Variants in IFRD1 observed in about 807,000 individuals in gnomAD.
The protein encoded by IFRD1 is interferon related developmental regulator 1, also known as interferon-related developmental regulator 1.
A neutral mutation model predicts 52.9 loss-of-function variants in IFRD1; 35 were observed. The ratio of observed to expected loss-of-function variants is 0.66; its 90% CI spans 0.51 to 0.88. The LOEUF is 0.88. IFRD1 is among the 40% of genes least tolerant of loss of function. The probability of loss-of-function intolerance (pLI) is 0.00; values close to 1 mark genes in which losing one functional copy is unlikely to be tolerated. For missense variants in IFRD1, 517 were observed against 550.8 expected (o/e 0.94, Z 0.61); for synonymous variants, 184 against 188.4 (o/e 0.98, Z 0.19).
chr7:112,455,767 C>T lies in IFRD1; in HGVS notation c.99C>T (p.Gly33=), dbSNP rs1795275793. ...CTTTCCTCTTTTACCTAATAGGTGG[C>T]CAGCATCGAAATGTTCAGCCTTTTA... ...AAAATAATAG[G]QHRNVQPFSD... Residue 33 remains glycine, a synonymous_variant, in exon 2 of 12, where the codon GGC becomes GGT. Coordinates refer to ENST00000403825, the MANE Select transcript of IFRD1 (RefSeq NM_001550.4). 1 of 1,602,602 alleles carries T rather than the reference C, an allele frequency of 6.2e-7. No homozygotes were observed. Among genetic ancestry groups the T allele is most frequent in the Non-Finnish European group, 8.5e-7 (1 of 1,169,736 alleles).
At chr7:112,450,359 G>T (rs148515837), upstream of IFRD1, 73 of 346,616 alleles carry the variant, frequency 2.1e-4, 1 homozygote, top group East Asian at 5.2e-3. Context: ...CGTCCAGTGG[G>T]GAGGTGTGCA....
At chr7:112,443,243 G>A (rs1794936572) in intron 1 of IFRD1, among the ~76,000 whole-genome samples, 1 of 152,078 alleles carries the variant, frequency 6.6e-6, no homozygotes, top group Non-Finnish European at 1.5e-5. Context: ...AAGATTCTCT[G>A]GTGGTTGGCC....
intron 5 of IFRD1, among the ~76,000 whole-genome samples, chr7:112,459,435 T>C (rs1381212903): frequency 6.6e-6 from 1 of 152,154 alleles, no homozygotes; most frequent in Non-Finnish European, 1.5e-5. Context: ...CAAGTGATCA[T>C]ATGGAGATGT....
Position 112,465,839 on chromosome 7 carries a change from G to T in IFRD1, c.907-2142G>T, listed in dbSNP as rs139156091. 4.1e-3 allele frequency among the ~76,000 whole-genome samples: 626 copies of T among 152,234 alleles called. 5 individuals carry two copies. The highest frequency in any genetic ancestry group is 0.014 in the African/African-American group (567 of 41,544). On this transcript the variant is annotated intron_variant, in intron 8 of 11. Coordinates refer to ENST00000403825, the MANE Select transcript of IFRD1 (RefSeq NM_001550.4). ...GGCTACACAGATTTTTTTTAAAAAG[G>T]TGAGTTCTATATACCTCCAAGTCTA...
chr7:112,431,837 C>T (rs748725714), intron 1 of IFRD1, among the ~76,000 whole-genome samples: 1 of 152,230 alleles, frequency 6.6e-6, no homozygotes, highest in Non-Finnish European at 1.5e-5. Context: ...CTCCAGTCAT[C>T]TGAGGCCTCA....
intron 1 of IFRD1, among the ~76,000 whole-genome samples, chr7:112,427,498 T>C (rs559243640): frequency 6.6e-6 from 1 of 152,362 alleles, no homozygotes; most frequent in African/African-American, 2.4e-5. Context: ...GGTCTTTTTG[T>C]CTCAGTAGCT....
chr7:112,428,174 T>C (rs1265878925), intron 1 of IFRD1, among the ~76,000 whole-genome samples: 1 of 152,204 alleles, frequency 6.6e-6, no homozygotes, highest in Non-Finnish European at 1.5e-5. Context: ...TGCTGACATG[T>C]GAGAAGTGCA....
chr7:112,460,528 G>A (rs993507317), intron 5 of IFRD1, among the ~76,000 whole-genome samples: 8 of 152,024 alleles, frequency 5.3e-5, no homozygotes, highest in African/African-American at 1.9e-4. Context: ...ATGGGTGTGA[G>A]CCACCGCACC....
At chr7:112,465,061 G>C (rs894430449) in intron 8 of IFRD1, among the ~76,000 whole-genome samples, 1 of 152,092 alleles carries the variant, frequency 6.6e-6, no homozygotes, top group African/African-American at 2.4e-5. Flanking sequence ...TTAAAGACAG[G>C]GTCTCACTCT....
intron 5 of IFRD1, 134 bp downstream of exon 5, chr7:112,459,152 A>C (rs1297162993): frequency 1.3e-6 from 1 of 751,304 alleles, no homozygotes; most frequent in African/African-American, 1.7e-5. Flanking sequence ...AGTTTGAGGC[A>C]GCGGTGAGCT....
At chr7:112,439,791 T>C (rs1794825306) in intron 1 of IFRD1, among the ~76,000 whole-genome samples, 1 of 152,032 alleles carries the variant, frequency 6.6e-6, no homozygotes. Context: ...AGGAATCAAT[T>C]ATAAGAGGAA....
In IFRD1 at chr7:112,456,827, A is replaced by G. The variant is rs79917788; in HGVS notation, c.285-87A>G. 9.2e-3 allele frequency: 11,615 copies of G among 1,264,000 alleles called. 557 individuals carry two copies. The African/African-American group carries it at 0.12, about 13-fold the overall frequency. The allele number at this position is 1,264,000 out of a possible 1,614,324, so 78.3% of individuals were successfully genotyped here. A position where few individuals can be genotyped will look rare whatever the true frequency, so the allele number is the denominator to read the frequency against. Reference sequence around the variant, plus strand: ...AGATTTAAAAAATCTATACATAGGTAAAGTTTAGAAGGAAATAAGATTTTA... The same window carrying G: ...AGATTTAAAAAATCTATACATAGGTGAAGTTTAGAAGGAAATAAGATTTTA... On this transcript the variant is annotated intron_variant, in intron 3 of 11. Transcript: ENST00000403825.
intron 1 of IFRD1, among the ~76,000 whole-genome samples, chr7:112,426,861 C>T (rs183920506): frequency 6.6e-6 from 1 of 152,338 alleles, no homozygotes; most frequent in Admixed American, 6.5e-5. Context: ...ACTCTTCCAA[C>T]CAAATGCCAA....
chr7:112,442,777 T>C (rs1298488894), intron 1 of IFRD1, among the ~76,000 whole-genome samples: 1 of 152,220 alleles, frequency 6.6e-6, no homozygotes, highest in Non-Finnish European at 1.5e-5. Context: ...CTCTAGAACA[T>C]GCTTGGTATA....
intron 1 of IFRD1, among the ~76,000 whole-genome samples, chr7:112,443,611 C>A (rs1322762784): frequency 6.6e-6 from 1 of 151,986 alleles, no homozygotes; most frequent in Non-Finnish European, 1.5e-5. Context: ...GTGGCTCATG[C>A]CTGTAATCCC....
chr7:112,450,255 T>C (rs1795116919), upstream of IFRD1: 1 of 183,404 alleles, frequency 5.5e-6, no homozygotes, highest in Admixed American at 6.1e-5. Flanking sequence ...TTTCCCAGAA[T>C]TCAGTGAGGC....
chr7:112,433,808 G>T (rs1369677561), intron 1 of IFRD1, among the ~76,000 whole-genome samples: 2 of 151,572 alleles, frequency 1.3e-5, no homozygotes, highest in Non-Finnish European at 2.9e-5. Context: ...TGTAAAGGCA[G>T]TTTCACAACT....
chr7:112,466,055 G>A (rs1795600988), intron 8 of IFRD1, among the ~76,000 whole-genome samples: 1 of 151,926 alleles, frequency 6.6e-6, no homozygotes, highest in African/African-American at 2.4e-5. Context: ...TGACCCTGTT[G>A]TGTAGTAATG....
chr7:112,426,182 G>C (rs1164390120), intron 1 of IFRD1, among the ~76,000 whole-genome samples: 4 of 152,118 alleles, frequency 2.6e-5, no homozygotes, highest in African/African-American at 9.7e-5. Context: ...CTGCCCTCCA[G>C]CATGGGTGAC....
Sources: gnomAD v4.1 joint callset for allele counts (sites outside exome capture counted in the v4.1 genomes callset) on GRCh38, gnomAD v4.1.1 for gene constraint, MANE v1.5 for transcripts, NCBI Gene and HGNC (gene_info 2026-07-23, HGNC 2026-07-21) for gene names.